PLA2G6: variants seen among roughly 807,000 people sequenced by gnomAD.
The protein encoded by PLA2G6 is phospholipase A2 group VI, also known as 85/88 kDa calcium-independent phospholipase A2.
A neutral mutation model predicts 83.8 loss-of-function variants in PLA2G6; 62 were observed. The ratio of observed to expected loss-of-function variants is 0.74; its 90% CI spans 0.60 to 0.91. The LOEUF is 0.91. Among genes scored for constraint, PLA2G6 ranks in the 40% least tolerant of loss-of-function variants. The pLI is 0.00. For synonymous variants in PLA2G6, 417 were observed against 449.8 expected (o/e 0.93, Z 0.92); for missense variants, 944 against 1,102.0 (o/e 0.86, Z 2.03).
chr22:38,150,866 C>A (rs907705098), intron 2 of PLA2G6, among the ~76,000 whole-genome samples: 1 of 152,218 alleles, frequency 6.6e-6, no homozygotes, highest in Non-Finnish European at 1.5e-5. Context: ...GCAGGCAAAT[C>A]ACTTGAGCTC....
chr22:38,178,449 G>A (rs1267010299), intron 1 of PLA2G6, among the ~76,000 whole-genome samples: 1 of 152,058 alleles, frequency 6.6e-6, no homozygotes, highest in Non-Finnish European at 1.5e-5. Flanking sequence ...TCTCATGCCT[G>A]TAAGTCCCAG....
chr22:38,140,280 G>T, intron 4 of PLA2G6, 111 bp from the exon 5 acceptor site: 1 of 939,480 alleles, frequency 1.1e-6, no homozygotes, highest in Non-Finnish European at 1.7e-6. Flanking sequence ...GGCCAAGGTG[G>T]GTGGATCACC....
chr22:38,167,039 TAA>T (rs2090243361), intron 2 of PLA2G6, among the ~76,000 whole-genome samples: 2 of 151,808 alleles, frequency 1.3e-5, no homozygotes, highest in African/African-American at 4.8e-5. Context: ...CCATCCTGGC[TAA>T]CATGGTGAAA....
chr22:38,124,579 C>T (rs1211107530), intron 10 of PLA2G6, among the ~76,000 whole-genome samples: 1 of 152,160 alleles, frequency 6.6e-6, no homozygotes, highest in Non-Finnish European at 1.5e-5. Flanking sequence ...GCCATCGAGA[C>T]CCTCCCTCAC....
At position 38,129,575 on chromosome 22, in the gene PLA2G6, G is replaced by A; in HGVS notation, c.1078-13C>T. ...CCACGTTGTCTTTCTGTTGGAGATG[G>A]AGAGAGGATAAGACGTGCAACTGCC... On this transcript the variant is annotated splice_polypyrimidine_tract_variant and intron_variant, in intron 7 of 16. Coordinates refer to ENST00000332509, the MANE Select transcript of PLA2G6 (RefSeq NM_003560.4). 1.9e-6 allele frequency: 3 copies of A among 1,598,096 alleles called. No homozygotes were observed. The highest frequency in any genetic ancestry group is 2.6e-6 in the Non-Finnish European group (3 of 1,165,540).
chr22:38,140,928 C>T (rs975556630), intron 4 of PLA2G6: 3 of 152,300 alleles, frequency 2.0e-5, no homozygotes, highest in Non-Finnish European at 2.9e-5. Context: ...TGTGGTGGCT[C>T]ACGCCTGTAA....
In PLA2G6 at chr22:38,128,176, C is replaced by T. The variant is rs11570700; in HGVS notation, c.1348+93G>A. Reference sequence around the variant, plus strand: ...CTCCCCGGCTTCCTTTAGTGACTTCCGTCCTAGGGATCCTGTTGCTTTGGT... The same window carrying T: ...CTCCCCGGCTTCCTTTAGTGACTTCTGTCCTAGGGATCCTGTTGCTTTGGT... On this transcript the variant is annotated intron_variant, in intron 9 of 16. Transcript: ENST00000332509. The surrounding 1 kb of genome is among the most constrained non-coding windows in gnomAD (Gnocchi z 4.4). 4,044 of 1,375,304 alleles carry T rather than the reference C, an allele frequency of 2.9e-3. 98 individuals are homozygous for T. In the African/African-American group the frequency reaches 0.05, roughly 17 times the overall value. 85.2% of individuals were successfully genotyped at this position (1,375,304 alleles called of 1,614,324 possible).
chr22:38,162,904 G>C (rs1241831795), intron 2 of PLA2G6, among the ~76,000 whole-genome samples: 1 of 152,148 alleles, frequency 6.6e-6, no homozygotes, highest in African/African-American at 2.4e-5. Flanking sequence ...GAGATTCAGG[G>C]AGAAGGCTGA....
chr22:38,177,949 C>T (rs1304271295), intron 1 of PLA2G6, among the ~76,000 whole-genome samples: 2 of 152,078 alleles, frequency 1.3e-5, no homozygotes, highest in East Asian at 3.9e-4. Context: ...GGTGGCTGAG[C>T]GAGGCTTGCT....
At position 38,128,261 on chromosome 22, in the gene PLA2G6, A is replaced by G; in HGVS notation, c.1348+8T>C. 1 of 1,612,092 alleles carries G rather than the reference A, an allele frequency of 6.2e-7. No individual in the cohort carries two copies. On this transcript the variant is annotated splice_region_variant and intron_variant, in intron 9 of 16. Coordinates refer to ENST00000332509, the MANE Select transcript of PLA2G6 (RefSeq NM_003560.4). The surrounding 1 kb of genome is among the most constrained non-coding windows in gnomAD (Gnocchi z 4.4). ...CTGGAGAAGAGGGAGTCGGGAGGCG[A>G]GGCCTACCTAGGTTGTTTAGGCTGA...
At chr22:38,156,532 C>A (rs2089786521) in intron 2 of PLA2G6, among the ~76,000 whole-genome samples, 1 of 152,010 alleles carries the variant, frequency 6.6e-6, no homozygotes, top group Non-Finnish European at 1.5e-5. Context: ...CGGCTCACTA[C>A]CAGCTCTGCC....
At chr22:38,174,143 T>A (rs948306853) in intron 1 of PLA2G6, among the ~76,000 whole-genome samples, 11 of 152,262 alleles carry the variant, frequency 7.2e-5, no homozygotes, top group Admixed American at 5.9e-4. Context: ...ACGCCTGTAA[T>A]CCCAGCACTT....
chr22:38,131,080 A>G (rs2088183867), intron 7 of PLA2G6: 1 of 152,242 alleles, frequency 6.6e-6, no homozygotes, highest in African/African-American at 2.4e-5. Context: ...GAATATGCCA[A>G]AAACTGTGAA....
Position 38,132,707 on chromosome 22 carries a change from G to A in PLA2G6, c.1077+124C>T. The A allele has an allele frequency of 2.2e-6, 2 of 894,514 alleles. No homozygotes were observed. The highest frequency in any genetic ancestry group is 3.4e-6 in the Non-Finnish European group (2 of 582,028). The allele number at this position is 894,514 out of a possible 1,614,324, so 55.4% of individuals were successfully genotyped here. A position where few individuals can be genotyped will look rare whatever the true frequency, so the allele number is the denominator to read the frequency against. ...TCAGGGTCTGAACTGAGCTTTGGGT[G>A]GGAAGATGATTTGGAGCAGCTGACG... On this transcript the variant is annotated intron_variant, in intron 7 of 16. Coordinates refer to ENST00000332509, the MANE Select transcript of PLA2G6 (RefSeq NM_003560.4). This position sits in a 1 kb window ranked among gnomAD's most constrained non-coding sequence, Gnocchi z 5.0.
chr22:38,143,346 G>A (rs1360985284), intron 3 of PLA2G6, 58 bp from the exon 4 acceptor site: 3 of 1,529,274 alleles, frequency 2.0e-6, no homozygotes, highest in Non-Finnish European at 2.7e-6. Context: ...GGTGGCAGGG[G>A]GACCTAAGTG....
At chr22:38,176,702 A>C (rs1286251888) in intron 1 of PLA2G6, among the ~76,000 whole-genome samples, 1 of 152,164 alleles carries the variant, frequency 6.6e-6, no homozygotes, top group African/African-American at 2.4e-5. Flanking sequence ...CGGTTGGCAA[A>C]GGGTTTCACA....
intron 3 of PLA2G6, chr22:38,145,049 TTTTTTTC>T: frequency 3.9e-6 from 1 of 255,658 alleles, no homozygotes; most frequent in Non-Finnish European, 7.9e-6. Context: ...TTTTTTTTTT[TTTTTTTC>T]CTAGAGACAA....
intron 4 of PLA2G6, 21 bp downstream of exon 4, chr22:38,143,084 C>A (rs868281222): frequency 3.1e-6 from 5 of 1,612,802 alleles, no homozygotes; most frequent in Non-Finnish European, 4.2e-6. Flanking sequence ...TACCAGTCAC[C>A]CTGCCCCTCC....
At chr22:38,116,248 C>T (rs1569244643) in intron 12 of PLA2G6, 37 bp from the exon 13 acceptor site, 1 of 1,612,248 alleles carries the variant, frequency 6.2e-7, no homozygotes, top group Non-Finnish European at 8.5e-7. Flanking sequence ...GCTGAGCCAC[C>T]CGCCCATCCA....
Sources: gnomAD v4.1 joint callset for allele counts (sites outside exome capture counted in the v4.1 genomes callset) on GRCh38, gnomAD v4.1.1 for gene constraint, Gnocchi (gnomAD v3.1) non-coding constraint, MANE v1.5 for transcripts, NCBI Gene and HGNC (gene_info 2026-07-23, HGNC 2026-07-21) for gene names.